Variants in L3MBTL4 observed in about 807,000 individuals in gnomAD.
L3MBTL4 encodes L3MBTL histone methyl-lysine binding protein 4, also known as lethal(3)malignant brain tumor-like protein 4.
In L3MBTL4, 70 loss-of-function variants were observed where a neutral mutation model predicts 84.5. The observed-to-expected ratio is 0.83, with a 90% CI of 0.68 to 1.01. The LOEUF is 1.01. Ranked by LOEUF, L3MBTL4 falls within the 50% of genes least tolerant of loss-of-function variation. The pLI, the probability that L3MBTL4 is intolerant of heterozygous loss-of-function variation, is 0.00. For synonymous variants in L3MBTL4, 274 were observed against 259.8 expected, an observed-to-expected ratio of 1.05 and a Z score of -0.52; for missense variants, 715 against 754.8, an observed-to-expected ratio of 0.95 and a Z score of 0.62.
intron 14 of L3MBTL4, among the ~76,000 whole-genome samples, chr18:6,102,794 A>G (rs1376150483): frequency 6.6e-6 from 1 of 152,170 alleles, no homozygotes; most frequent in Non-Finnish European, 1.5e-5. Context: ...AAAAAGTCAA[A>G]CCCAAGATGT....
intron 5 of L3MBTL4, chr18:6,258,747 A>C (rs1182158484): frequency 6.6e-6 from 1 of 152,308 alleles, no homozygotes; most frequent in Non-Finnish European, 1.5e-5. Context: ...GAGGCACCCA[A>C]GGTCTTAGGA....
intron 14 of L3MBTL4, among the ~76,000 whole-genome samples, chr18:6,122,440 C>A (rs1375348611): frequency 6.6e-6 from 1 of 152,196 alleles, no homozygotes; most frequent in Non-Finnish European, 1.5e-5. Flanking sequence ...GGGAGCAGGT[C>A]TTTGCCATGA....
At chr18:5,986,789 A>G (rs1193641998) in intron 16 of L3MBTL4, among the ~76,000 whole-genome samples, 2 of 152,230 alleles carry the variant, frequency 1.3e-5, no homozygotes, top group African/African-American at 4.8e-5. Flanking sequence ...CCCGAGTCCA[A>G]CTACACTGTG....
At chr18:6,394,886 T>A (rs573317778) in intron 1 of L3MBTL4, 3 of 152,300 alleles carry the variant, frequency 2.0e-5, no homozygotes, top group African/African-American at 7.2e-5. Context: ...AGGGAAAAGA[T>A]CATTTGCTTG....
chr18:6,156,466 A>G (rs998354037), intron 13 of L3MBTL4, among the ~76,000 whole-genome samples: 6 of 148,460 alleles, frequency 4.0e-5, no homozygotes, highest in African/African-American at 1.6e-4. Flanking sequence ...GTTTCCATTA[A>G]CCAGGTATTG....
rs1429627198 is a variant in L3MBTL4, at chr18:6,241,389, G to A, written c.521C>T (p.Ala174Val). The A allele has an allele frequency of 1.9e-6, 3 of 1,603,536 alleles. No homozygotes were observed. Among genetic ancestry groups the A allele is most frequent in the Non-Finnish European group, 1.7e-6 (2 of 1,173,784 alleles). Residue 174 changes from alanine (A) to valine (V), a missense_variant, in exon 8 of 19, where the codon GCT becomes GTT. Coordinates refer to ENST00000317931, the MANE Select transcript of L3MBTL4 (RefSeq NM_001330559.2). ...DYLKACKLQN[A>V]PKKLFRNRSP... ...TCTGTTTCTGAATAATTTCTTTGGA[G>A]CATTTTGCAATTTGCAGGCCTTCAA... is the stretch of plus-strand genomic sequence containing the variant.
intron 1 of L3MBTL4, among the ~76,000 whole-genome samples, chr18:6,314,151 G>C (rs1346990632): frequency 6.6e-6 from 1 of 152,090 alleles, no homozygotes; most frequent in Non-Finnish European, 1.5e-5. Context: ...TCAATGCAAA[G>C]AGCATATTCT....
chr18:5,991,491 G>A (rs1275343271), intron 16 of L3MBTL4, among the ~76,000 whole-genome samples: 1 of 152,134 alleles, frequency 6.6e-6, no homozygotes, highest in Non-Finnish European at 1.5e-5. Context: ...TGGCAGGTTG[G>A]TCACTTGCTA....
intron 16 of L3MBTL4, among the ~76,000 whole-genome samples, chr18:6,045,642 C>G (rs1266394334): frequency 4.6e-5 from 7 of 152,134 alleles, no homozygotes; most frequent in Non-Finnish European, 1.0e-4. Context: ...AAAGACCTGC[C>G]TCCATGACTC....
chr18:5,964,457 G>A (rs1401169764), intron 17 of L3MBTL4, among the ~76,000 whole-genome samples: 5 of 152,136 alleles, frequency 3.3e-5, no homozygotes, highest in African/African-American at 1.2e-4. Context: ...ATCGTCCACT[G>A]GGGACCATGT....
intron 15 of L3MBTL4, among the ~76,000 whole-genome samples, chr18:6,081,586 T>C (rs935905404): frequency 1.1e-4 from 16 of 152,200 alleles, no homozygotes; most frequent in African/African-American, 3.9e-4. Context: ...GATAATCAAG[T>C]AATTTATTTG....
At position 5,985,537 on chromosome 18, in the gene L3MBTL4, C is replaced by T. The variant is rs1192687075; in HGVS notation, c.1445-15975G>A. Among the ~76,000 whole-genome samples, 21 of 152,122 alleles carry T rather than the reference C, an allele frequency of 1.4e-4. No individual in the cohort carries two copies. The East Asian group carries it at 1.5e-3, about 11-fold the overall frequency. On this transcript the variant is annotated intron_variant, in intron 16 of 18. Coordinates refer to ENST00000317931, the MANE Select transcript of L3MBTL4 (RefSeq NM_001330559.2). ...ATGGAATTTGCCTAAGAGATTTGCCCGAAGGTAGCACAGTCAGGACTCCTA... is the reference window on the plus strand; with the variant it reads ...ATGGAATTTGCCTAAGAGATTTGCCTGAAGGTAGCACAGTCAGGACTCCTA...
rs536570565 is a variant in L3MBTL4, at chr18:6,379,326, T to C, written c.-91+35475A>G. On this transcript the variant is annotated intron_variant, in intron 1 of 18. Transcript: ENST00000317931. ...GCCTTTATTTCTTTCTCTTTCCTCA[T>C]TGCCCTGGCCAGAACTTCCAATACT... Among the ~76,000 whole-genome samples the C allele has an allele frequency of 2.8e-4, 43 of 152,178 alleles. 1 individual carries two copies. The highest frequency in any genetic ancestry group is 5.3e-4 in the Non-Finnish European group (36 of 68,032).
intron 16 of L3MBTL4, among the ~76,000 whole-genome samples, chr18:6,071,457 G>A (rs1057239243): frequency 6.7e-5 from 10 of 149,944 alleles, no homozygotes; most frequent in African/African-American, 9.8e-5. Flanking sequence ...AGATAGAAAT[G>A]TATTAAATCC....
At chr18:6,030,499 CTCTT>C in intron 16 of L3MBTL4, 1 of 929,114 alleles carries the variant, frequency 1.1e-6, no homozygotes, top group African/African-American at 1.9e-5. Context: ...AATGAAGAGA[CTCTT>C]TTTTTTTTTT....
intron 16 of L3MBTL4, among the ~76,000 whole-genome samples, chr18:6,017,004 A>G (rs893858878): frequency 5.3e-5 from 5 of 93,960 alleles, no homozygotes; most frequent in African/African-American, 1.2e-4. Context: ...TAAATGGCCC[A>G]GAGCAGAGGG....
intron 4 of L3MBTL4, 103 bp downstream of exon 4, chr18:6,301,800 A>G: frequency 1.2e-6 from 1 of 854,618 alleles, no homozygotes; most frequent in South Asian, 1.3e-5. Flanking sequence ...TATTATTATC[A>G]CATATTTTAA....
Position 6,104,377 on chromosome 18 carries a change from T to C in L3MBTL4, c.1200-10849A>G, listed in dbSNP as rs562478930. Among the ~76,000 whole-genome samples the C allele has an allele frequency of 1.4e-3, 209 of 152,298 alleles. 1 individual carries two copies. The highest frequency in any genetic ancestry group is 4.9e-3 in the African/African-American group (204 of 41,558). On this transcript the variant is annotated intron_variant, in intron 14 of 18. Coordinates refer to ENST00000317931, the MANE Select transcript of L3MBTL4 (RefSeq NM_001330559.2). ...AAGAAGATATGGTATATACATACAA[T>C]GGTATATTATTAAGCCTTAATAAAA...
At chr18:6,116,642 G>A (rs1044283638) in intron 14 of L3MBTL4, among the ~76,000 whole-genome samples, 10 of 152,136 alleles carry the variant, frequency 6.6e-5, no homozygotes, top group African/African-American at 2.2e-4. Flanking sequence ...AGGATTACAG[G>A]CATGAGTCAC....
Sources: allele counts gnomAD v4.1 joint callset (sites outside exome capture counted in the v4.1 genomes callset), GRCh38; gene constraint gnomAD v4.1.1; transcripts MANE v1.5; gene names NCBI Gene and HGNC (gene_info 2026-07-23, HGNC 2026-07-21).